RNASEL: variants seen among roughly 807,000 people sequenced by gnomAD.
RNASEL encodes the protein ribonuclease L.
In RNASEL, 36 loss-of-function variants were observed where a neutral mutation model predicts 50.9. The observed-to-expected ratio is 0.71, with a 90% confidence interval of 0.54 to 0.93. The LOEUF is 0.93. Among genes scored for constraint, RNASEL ranks in the 40% least tolerant of loss-of-function variants. The pLI is 0.00. For missense variants in RNASEL, 860 were observed against 894.5 expected, an observed-to-expected ratio of 0.96 and a Z score of 0.49; for synonymous variants, 335 against 335.6, an observed-to-expected ratio of 1.00 and a Z score of 0.02.
chr1:182,581,075 G>C, intron 5 of RNASEL, 150 bp downstream of exon 5: 2 of 1,140,816 alleles, frequency 1.8e-6, no homozygotes, highest in Non-Finnish European at 2.6e-6. Flanking sequence ...AGGGAGCCTA[G>C]GGGGATAGGG....
chr1:182,577,487 T>C (rs1187078003), intron 5 of RNASEL, among the ~76,000 whole-genome samples: 1 of 152,160 alleles, frequency 6.6e-6, no homozygotes, highest in Non-Finnish European at 1.5e-5. Flanking sequence ...ACGGTTTTGT[T>C]TGTTTGTTTT....
intron 5 of RNASEL, among the ~76,000 whole-genome samples, 189 bp from the exon 6 acceptor site, chr1:182,576,578 G>C (rs2102362904): frequency 6.6e-6 from 1 of 152,206 alleles, no homozygotes; most frequent in South Asian, 2.1e-4. Flanking sequence ...AACTATAATT[G>C]TGTCTGGGCT....
rs200161417 is a variant in RNASEL, at chr1:182,586,501, C to T, written c.306G>A (p.Ala102=). 6.4e-5 allele frequency: 103 copies of T among 1,611,636 alleles called. No homozygotes were observed. In the East Asian group the frequency reaches 2.2e-3, roughly 35 times the overall value. Residue 102 remains alanine (A), a synonymous_variant, in exon 2 of 7, where the codon GCG becomes GCA. Coordinates refer to ENST00000367559, the MANE Select transcript of RNASEL (RefSeq NM_021133.4). ...AAAGTTTCAGCAGCTTCACGCTCCC[C>T]GCAATCGCTGCGAGGATAAAAGGCG... ...GATPFILAAI[A]GSVKLLKLFL...
chr1:182,581,469 C>CTTT (rs1661494836), intron 4 of RNASEL, 112 bp from the exon 5 acceptor site: 33 of 319,160 alleles, frequency 1.0e-4, no homozygotes, highest in Admixed American at 1.9e-4. Flanking sequence ...CTTGGTTTTT[C>CTTT]TTTCTTTTTT....
At position 182,579,534 on chromosome 1, in the gene RNASEL, G is replaced by A. The variant is rs540346706; in HGVS notation, c.1905+1691C>T. ...AAGCACGTATGTGTGGCAGGATGGG[G>A]CAAGTCAAGAACCAATACAGTCATA... On this transcript the variant is annotated intron_variant, in intron 5 of 6. Coordinates refer to ENST00000367559, the MANE Select transcript of RNASEL (RefSeq NM_021133.4). The A allele has an allele frequency of 5.8e-5, 64 of 1,108,736 alleles. No individual in the cohort carries two copies. The Middle Eastern group carries it at 1.2e-3, about 22-fold the overall frequency. 68.7% of individuals were successfully genotyped at this position (1,108,736 alleles called of 1,614,324 possible). A position where few individuals can be genotyped will look rare whatever the true frequency, so the allele number is the denominator to read the frequency against.
intron 3 of RNASEL, 137 bp downstream of exon 3, chr1:182,583,944 G>A (rs982080666): frequency 2.9e-5 from 21 of 725,496 alleles, no homozygotes; most frequent in African/African-American, 2.6e-4. Context: ...GTGACCGTGT[G>A]AGTCAATTCT....
At position 182,575,219 on chromosome 1, in the gene RNASEL, AT is replaced by A. The variant is rs1553278804; in HGVS notation, c.*172del. 4.5e-6 allele frequency: 3 copies of A among 662,698 alleles called. No individual in the cohort carries two copies. Among genetic ancestry groups the A allele is most frequent in the Non-Finnish European group, 8.1e-6 (3 of 370,642 alleles). 41.1% of individuals were successfully genotyped at this position (662,698 alleles called of 1,614,324 possible). On this transcript the variant is annotated 3_prime_UTR_variant, in exon 7 of 7. Coordinates refer to ENST00000367559, the MANE Select transcript of RNASEL (RefSeq NM_021133.4). ...GCTTATGGACTAGTGTAGTCTGGGT[AT>A]ATATTGCTTTTGTTATAGACATATG...
At chr1:182,579,816 T>C (rs1165348794) in intron 5 of RNASEL, 3 of 919,292 alleles carry the variant, frequency 3.3e-6, no homozygotes, top group African/African-American at 3.4e-5. Flanking sequence ...GTAATTTGAG[T>C]GTGGTCTCTG....
Position 182,574,273 on chromosome 1 carries a change from A to C in RNASEL, c.*1119T>G, listed in dbSNP as rs1661342075. The C allele has an allele frequency of 4.4e-6, 1 of 225,820 alleles. No individual in the cohort carries two copies. Among genetic ancestry groups the C allele is most frequent in the African/African-American group, 2.2e-5 (1 of 44,902 alleles). The allele number at this position is 225,820 out of a possible 1,614,324, so 14.0% of individuals were successfully genotyped here. A position where few individuals can be genotyped will look rare whatever the true frequency, so the allele number is the denominator to read the frequency against. The stretch of plus-strand genomic sequence containing the variant: ...GAAAAGACAGCCATCGCCCGTGAGG[A>C]GCCTACATTCCAGTGGAGGAACCAA... On this transcript the variant is annotated 3_prime_UTR_variant, in exon 7 of 7. Coordinates refer to ENST00000367559, the MANE Select transcript of RNASEL (RefSeq NM_021133.4).
At chr1:182,577,196 A>T (rs868586506) in intron 5 of RNASEL, among the ~76,000 whole-genome samples, 11 of 152,106 alleles carry the variant, frequency 7.2e-5, no homozygotes, top group Middle Eastern at 3.4e-3. Flanking sequence ...AATTAAAAAA[A>T]TTTTAAAATT....
intron 6 of RNASEL, among the ~76,000 whole-genome samples, chr1:182,575,984 G>T (rs1270973279): frequency 5.3e-5 from 8 of 152,118 alleles, no homozygotes; most frequent in African/African-American, 1.9e-4. Flanking sequence ...AGTCTCCTGT[G>T]TTACTTCACA....
rs1571270934 is a variant in RNASEL, at chr1:182,586,893, G to C, written c.-87C>G. The C allele has an allele frequency of 6.4e-7, 1 of 1,573,210 alleles. No individual in the cohort carries two copies. The highest frequency in any genetic ancestry group is 1.3e-5 in the African/African-American group (1 of 74,204). On this transcript the variant is annotated 5_prime_UTR_variant, in exon 2 of 7. Coordinates refer to ENST00000367559, the MANE Select transcript of RNASEL (RefSeq NM_021133.4). The stretch of plus-strand genomic sequence containing the variant: ...CCTAGCACTTAATCAAAGAAGCTTT[G>C]AGTGTAAATTGGGATTCTCTGGCAA...
chr1:182,586,110 T>C lies in RNASEL; in HGVS notation c.697A>G (p.Asn233Asp). ...HLLLDHGADV[N>D]VRGERGKTPL... ...GTCTTCCCTCTTTCTCCCCTCACAT[T>C]GACATCAGCCCCATGGTCCAGCAGC... Residue 233 changes from asparagine to aspartate, a missense_variant, in exon 2 of 7, where the codon AAT becomes GAT. Physicochemically the swap from Asn to Asp is conservative, Grantham distance 23 (BLOSUM62 1). Transcript: ENST00000367559. 6.2e-7 allele frequency: 1 copy of C among 1,614,136 alleles called. No individual in the cohort carries two copies. The highest frequency in any genetic ancestry group is 8.5e-7 in the Non-Finnish European group (1 of 1,180,034).
chr1:182,582,238 G>C lies in RNASEL; in HGVS notation c.1587C>G (p.Leu529=). The C allele has an allele frequency of 6.2e-7, 1 of 1,614,092 alleles. No homozygotes were observed. The highest frequency in any genetic ancestry group is 8.5e-7 in the Non-Finnish European group (1 of 1,179,998). Residue 529 remains leucine (L), a synonymous_variant, in exon 4 of 7, where the codon CTC becomes CTG. Coordinates refer to ENST00000367559, the MANE Select transcript of RNASEL (RefSeq NM_021133.4). ...RDLEDLGRLV[L]YVVKKGSISF... The stretch of plus-strand genomic sequence containing the variant: ...AGATGCTTCCCTTCTTTACCACATA[G>C]AGGACCAGCCGTCCAAGGTCCTGCA...
chr1:182,575,359 A>C lies in RNASEL; in HGVS notation c.*33T>G. On this transcript the variant is annotated 3_prime_UTR_variant, in exon 7 of 7. Coordinates refer to ENST00000367559, the MANE Select transcript of RNASEL (RefSeq NM_021133.4). ...ATTTGCCAAGGACTCTACAGCTAAT[A>C]AGTAGTTCCCTGAACTCCAGCAAAT... 5.0e-6 allele frequency: 8 copies of C among 1,603,612 alleles called. No homozygotes were observed. The highest frequency in any genetic ancestry group is 6.8e-6 in the Non-Finnish European group (8 of 1,171,238).
In RNASEL at chr1:182,584,986, T is replaced by C. The variant is rs540298978; in HGVS notation, c.1480+341A>G. On this transcript the variant is annotated intron_variant, in intron 2 of 6. Transcript: ENST00000367559. ...TCAATTTTGTCAGTAAGTTTCATGG[T>C]TACTGCCACCTTGTCTGAAGGAACT... 4.0e-4 allele frequency among the ~76,000 whole-genome samples: 61 copies of C among 152,314 alleles called. 1 individual carries two copies. The Middle Eastern group carries it at 0.014, about 34-fold the overall frequency.
chr1:182,574,114 T>G lies in RNASEL; in HGVS notation c.*1278A>C, dbSNP rs1661339605. 4.6e-6 allele frequency: 1 copy of G among 216,784 alleles called. No individual in the cohort carries two copies. The highest frequency in any genetic ancestry group is 5.8e-5 in the Admixed American group (1 of 17,166). 13.4% of individuals were successfully genotyped at this position (216,784 alleles called of 1,614,324 possible). A position where few individuals can be genotyped will look rare whatever the true frequency, so the allele number is the denominator to read the frequency against. Reference sequence around the variant, plus strand: ...AAAATACTCAGATGTAATGTATACATTATAAAGCACCAGAAAAACGTAAGA... The same window carrying G: ...AAAATACTCAGATGTAATGTATACAGTATAAAGCACCAGAAAAACGTAAGA... On this transcript the variant is annotated 3_prime_UTR_variant, in exon 7 of 7. Coordinates refer to ENST00000367559, the MANE Select transcript of RNASEL (RefSeq NM_021133.4).
intron 3 of RNASEL, among the ~76,000 whole-genome samples, chr1:182,583,375 A>G (rs1661531243): frequency 6.6e-6 from 1 of 152,222 alleles, no homozygotes; most frequent in South Asian, 2.1e-4. Context: ...GGGAGTCAGG[A>G]CAGTGAGCAA....
chr1:182,576,434 A>G (rs770441614), intron 5 of RNASEL, 45 bp from the exon 6 acceptor site: 2 of 1,442,180 alleles, frequency 1.4e-6, no homozygotes, highest in Admixed American at 1.8e-5. Context: ...GCAACACAAA[A>G]TAAATCCTGA....
Sources: allele counts gnomAD v4.1 joint callset (sites outside exome capture counted in the v4.1 genomes callset), GRCh38; gene constraint gnomAD v4.1.1; transcripts MANE v1.5; gene names NCBI Gene and HGNC (gene_info 2026-07-23, HGNC 2026-07-21).